The following MYOM3 variants were observed in gnomAD, a reference collection of about 807,000 sequenced individuals.
MYOM3 encodes myomesin-3.
MYOM3 carries 155 observed loss-of-function variants against 191.7 expected under a neutral mutation model. The ratio of observed to expected loss-of-function variants is 0.81; its 90% CI spans 0.71 to 0.92. The LOEUF (loss-of-function observed/expected upper bound fraction) is 0.92. Ranked by LOEUF, MYOM3 falls within the 40% of genes least tolerant of loss-of-function variation. The pLI is 0.00. For synonymous variants in MYOM3, 757 were observed against 762.9 expected, an observed-to-expected ratio of 0.99 and a Z score of 0.13; for missense variants, 1,889 against 1,890.6, an observed-to-expected ratio of 1.00 and a Z score of 0.02.
At chr1:24,102,563 T>C (rs111945923) in intron 5 of MYOM3, among the ~76,000 whole-genome samples, 1 of 151,880 alleles carries the variant, frequency 6.6e-6, no homozygotes, top group Non-Finnish European at 1.5e-5. Flanking sequence ...AAAAAGAAAA[T>C]AAGAGCAGGC....
chr1:24,065,476 C>T (rs4575029), intron 29 of MYOM3, among the ~76,000 whole-genome samples: 3 of 151,984 alleles, frequency 2.0e-5, no homozygotes, highest in African/African-American at 4.8e-5. Context: ...CCTGTCCCGA[C>T]TCCTAGACTG....
chr1:24,086,072 G>C (rs1643734770), intron 15 of MYOM3, among the ~76,000 whole-genome samples: 1 of 152,106 alleles, frequency 6.6e-6, no homozygotes, highest in Non-Finnish European at 1.5e-5. Context: ...TGGGAAGCTG[G>C]GGTCAGGATG....
intron 20 of MYOM3, 62 bp downstream of exon 20, chr1:24,079,954 C>T: frequency 6.9e-7 from 1 of 1,447,888 alleles, no homozygotes; most frequent in Non-Finnish European, 9.4e-7. Flanking sequence ...CATTCCAGCT[C>T]TGATGCTCTA....
rs1312978968 is a variant in MYOM3, at chr1:24,087,740, C to T, written c.1615-913G>A. Among the ~76,000 whole-genome samples, 2 of 152,182 alleles carry T rather than the reference C, an allele frequency of 1.3e-5. No individual in the cohort carries two copies. The highest frequency in any genetic ancestry group is 2.4e-5 in the African/African-American group (1 of 41,434). On this transcript the variant is annotated intron_variant, in intron 14 of 36. Transcript: ENST00000374434. The surrounding 1 kb of genome is among the most constrained non-coding windows in gnomAD (Gnocchi z 4.5). Reference sequence around the variant, plus strand: ...CCCTGCTCAATGTCTTTCTCCTTAGCGCCTACCACTCACTACTGTGCTTAA... The same window carrying T: ...CCCTGCTCAATGTCTTTCTCCTTAGTGCCTACCACTCACTACTGTGCTTAA...
chr1:24,082,638 C>T lies in MYOM3; in HGVS notation c.2047G>A (p.Glu683Lys), dbSNP rs755131165. ...ATGGGCTCGGTGGCGGCTGAGCTCT[C>T]GCCTACCCCAGCCTCGCTGACTGAC... ...VRSVSEAGVG[E>K]SSAATEPIRV... Residue 683 changes from glutamate (E) to lysine (K), a missense_variant, in exon 17 of 37, where the codon GAG (glutamate) becomes AAG (lysine). Transcript: ENST00000374434. 53 of 1,612,412 alleles carry T rather than the reference C, an allele frequency of 3.3e-5. No homozygotes were observed. The highest frequency in any genetic ancestry group is 1.6e-4 in the Middle Eastern group (1 of 6,080).
chr1:24,076,941 C>T (rs372391293), intron 20 of MYOM3, among the ~76,000 whole-genome samples: 10 of 152,324 alleles, frequency 6.6e-5, no homozygotes, highest in African/African-American at 2.2e-4. Flanking sequence ...CCTGCCTCAG[C>T]CTCCCAAGTA....
chr1:24,103,159 A>G (rs1192488473), intron 5 of MYOM3, among the ~76,000 whole-genome samples: 1 of 152,216 alleles, frequency 6.6e-6, no homozygotes, highest in Non-Finnish European at 1.5e-5. Flanking sequence ...AATGCCTTCA[A>G]TGTGGTCCTC....
rs767696769 is a variant in MYOM3, at chr1:24,082,038, G to A, written c.2243C>T (p.Ala748Val). 16 of 1,611,920 alleles carry A rather than the reference G, an allele frequency of 9.9e-6. No individual in the cohort carries two copies. The highest frequency in any genetic ancestry group is 4.0e-5 in the African/African-American group (3 of 74,966). The change falls in exon 18 of 37, where the codon GCG becomes GTG. Residue 748 changes from alanine to valine, a missense_variant. Transcript: ENST00000374434. Reference protein sequence around the residue: ...QHDSEELDWHAVNQQPIPTRV... With the variant: ...QHDSEELDWHVVNQQPIPTRV... The stretch of plus-strand genomic sequence containing the variant: ...GGTGGGGATGGGCTGCTGATTGACC[G>A]CATGCCAGTCCAGCTCTTCCGAGTC...
chr1:24,105,998 C>T lies in MYOM3; in HGVS notation c.482G>A (p.Arg161His), dbSNP rs372741524. ...GRGPWFWIPL[R>H]SHAVWEHTTV... ...GGTGTGCTCCCAGACGGCGTGGGAG[C>T]GAAGAGGGATCCAGAACCAGGGCCC... The change falls in exon 5 of 37, where the codon CGC becomes CAC. Residue 161 changes from arginine (R) to histidine (H), a missense_variant. By Grantham distance (29) the Arg-to-His change is conservative. Transcript: ENST00000374434. 2.2e-4 allele frequency: 355 copies of T among 1,613,958 alleles called. No individual in the cohort carries two copies. The highest frequency in any genetic ancestry group is 2.8e-4 in the Non-Finnish European group (331 of 1,179,986).
intron 32 of MYOM3, among the ~76,000 whole-genome samples, chr1:24,062,334 G>A (rs187118219): frequency 3.9e-5 from 6 of 152,142 alleles, no homozygotes; most frequent in Non-Finnish European, 8.8e-5. Context: ...TCCTAGAGAC[G>A]CTGTCCTCTG....
rs1643847960 is a variant in MYOM3 at position 24,092,224 on chromosome 1, G to A, written c.1182C>T (p.Ala394=). The change falls in exon 11 of 37, where the codon GCC becomes GCT. Residue 394 remains alanine, a synonymous_variant. Transcript: ENST00000374434. Reference sequence around the variant, plus strand: ...GGTTGCCCCGGGTGTCACTGGGCGGGGCCCAAGTCAGGATGAGGCAGTCTC... The same window carrying A: ...GGTTGCCCCGGGTGTCACTGGGCGGAGCCCAAGTCAGGATGAGGCAGTCTC... The part of the protein sequence containing the change: ...VNRDCLILTW[A]PPSDTRGNPI... 2 of 1,446,118 alleles carry A rather than the reference G, an allele frequency of 1.4e-6. No individual in the cohort carries two copies. Among genetic ancestry groups the A allele is most frequent in the South Asian group, 3.0e-5 (2 of 66,540 alleles). 89.6% of individuals were successfully genotyped at this position (1,446,118 alleles called of 1,614,324 possible). A position where few individuals can be genotyped will look rare whatever the true frequency, so the allele number is the denominator to read the frequency against.
At chr1:24,094,728 A>T in intron 9 of MYOM3, 125 bp downstream of exon 9, 1 of 948,060 alleles carries the variant, frequency 1.1e-6, no homozygotes, top group Non-Finnish European at 1.6e-6. Context: ...CTGCCTCTTC[A>T]GCACTTTAGC....
At chr1:24,105,364 G>A (rs947084370) in intron 5 of MYOM3, among the ~76,000 whole-genome samples, 2 of 152,326 alleles carry the variant, frequency 1.3e-5, no homozygotes, top group African/African-American at 2.4e-5. Context: ...CAAGGTTCTC[G>A]CTACAGGCGT....
chr1:24,088,107 C>T (rs563483881), intron 14 of MYOM3, among the ~76,000 whole-genome samples: 1 of 152,304 alleles, frequency 6.6e-6, no homozygotes, highest in African/African-American at 2.4e-5. Flanking sequence ...CCCCGAGTCT[C>T]TGGGCAGATG....
At chr1:24,079,888 G>A (rs918101440) in intron 20 of MYOM3, 128 bp downstream of exon 20, 19 of 904,682 alleles carry the variant, frequency 2.1e-5, no homozygotes, top group South Asian at 1.1e-4. Context: ...TAGGTAAATC[G>A]CTCTTCCTCT....
chr1:24,104,411 TG>T (rs1421473132), intron 5 of MYOM3, among the ~76,000 whole-genome samples: 4 of 152,218 alleles, frequency 2.6e-5, no homozygotes. Context: ...TATACTTCTT[TG>T]TGTGTTGATG....
At chr1:24,098,695 C>G (rs1022108876) in intron 6 of MYOM3, among the ~76,000 whole-genome samples, 1 of 152,212 alleles carries the variant, frequency 6.6e-6, no homozygotes, top group Admixed American at 6.5e-5. Context: ...CTGCCTGCCC[C>G]GGAGGTCCCC....
Position 24,065,803 on chromosome 1 carries a change from C to T in MYOM3, c.3534+88G>A, listed in dbSNP as rs764023293. The T allele has an allele frequency of 5.2e-5, 53 of 1,011,458 alleles. No homozygotes were observed. The African/African-American group carries it at 7.7e-4, about 15-fold the overall frequency. The allele number at this position is 1,011,458 out of a possible 1,614,324, so 62.7% of individuals were successfully genotyped here. ...CACTTGCATCAACCTAGCCTCGGCC[C>T]TGCCCTGACTCCCAGCCCAGAGCTC... is the stretch of plus-strand genomic sequence containing the variant. On this transcript the variant is annotated intron_variant, in intron 29 of 36. Transcript: ENST00000374434.
chr1:24,065,569 G>A (rs2148542825), intron 29 of MYOM3, among the ~76,000 whole-genome samples: 1 of 152,284 alleles, frequency 6.6e-6, no homozygotes, highest in African/African-American at 2.4e-5. Flanking sequence ...GAGAGCGACG[G>A]GGGCTAGCCC....
Sources: gnomAD v4.1 joint callset for allele counts (sites outside exome capture counted in the v4.1 genomes callset) on GRCh38, gnomAD v4.1.1 for gene constraint, Gnocchi (gnomAD v3.1) non-coding constraint, MANE v1.5 for transcripts, NCBI Gene and HGNC (gene_info 2026-07-23, HGNC 2026-07-21) for gene names.